Variants in CDH4 observed in about 807,000 individuals in gnomAD.
The protein encoded by CDH4 is cadherin-4.
A neutral mutation model predicts 86.0 loss-of-function variants in CDH4; 33 were observed. The observed-to-expected ratio is 0.38, with a 90% CI of 0.29 to 0.51. The LOEUF is 0.51. CDH4 is among the 20% of genes least tolerant of loss of function. CDH4 has a pLI of 0.86. For missense variants in CDH4, 1,114 were observed against 1,307.4 expected, an observed-to-expected ratio of 0.85 and a Z score of 2.28; for synonymous variants, 555 against 549.4, an observed-to-expected ratio of 1.01 and a Z score of -0.14.
At position 61,708,737 on chromosome 20, in the gene CDH4, G is replaced by A. The variant is rs568151039; in HGVS notation, c.170-34826G>A. 7.9e-5 allele frequency among the ~76,000 whole-genome samples: 12 copies of A among 152,296 alleles called. No homozygotes were observed. Among genetic ancestry groups the A allele is most frequent in the Middle Eastern group, 6.8e-3 (2 of 294 alleles). On this transcript the variant is annotated intron_variant, in intron 2 of 15. Transcript: ENST00000614565. This position sits in a 1 kb window ranked among gnomAD's most constrained non-coding sequence, Gnocchi z 4.5. ...CCTCCCCAGCCTCACATGAGGCGGC[G>A]CTGCCTCTGCGGAGGCCCCTTCTCT...
At chr20:61,460,826 G>A (rs2085437940) in intron 2 of CDH4, among the ~76,000 whole-genome samples, 1 of 152,218 alleles carries the variant, frequency 6.6e-6, no homozygotes, top group Non-Finnish European at 1.5e-5. Context: ...ATCCATGGGT[G>A]TATCTGGCTC....
At chr20:61,814,909 G>A (rs1256699526) in intron 4 of CDH4, among the ~76,000 whole-genome samples, 1 of 152,134 alleles carries the variant, frequency 6.6e-6, no homozygotes, top group Non-Finnish European at 1.5e-5. Flanking sequence ...TGAATTCCAT[G>A]AGCTCCTCCC....
chr20:61,276,140 T>G (rs1446617512), intron 2 of CDH4, among the ~76,000 whole-genome samples: 1 of 152,222 alleles, frequency 6.6e-6, no homozygotes, highest in Admixed American at 6.5e-5. Flanking sequence ...GATAACCTGT[T>G]TAGAAAAACT....
rs1290851416 is a variant in CDH4 at position 61,684,788 on chromosome 20, G to T, written c.170-58775G>T. ...CTCAATCTGCAGCCCACAGCCGCCT[G>T]CCGTGACCACCCCTCGATGTGGGTG... On this transcript the variant is annotated intron_variant, in intron 2 of 15. Transcript: ENST00000614565. This position sits in a 1 kb window ranked among gnomAD's most constrained non-coding sequence, Gnocchi z 4.5. Among the ~76,000 whole-genome samples, 1 of 152,260 alleles carries T rather than the reference G, an allele frequency of 6.6e-6. No homozygotes were observed. The highest frequency in any genetic ancestry group is 2.1e-4 in the South Asian group (1 of 4,820).
rs992286585 is a variant in CDH4 at position 61,939,359 on chromosome 20, C to T, written c.*2416C>T. ...CATTGGCCGCCTCCCACTAGCTCCC[C>T]CTCCTCGCCCACAGCCTCTTGTCAC... On this transcript the variant is annotated 3_prime_UTR_variant, in exon 16 of 16. Transcript: ENST00000614565. The T allele has an allele frequency of 6.6e-6, 1 of 152,356 alleles. No homozygotes were observed. Among genetic ancestry groups the T allele is most frequent in the African/African-American group, 2.4e-5 (1 of 41,478 alleles). The allele number at this position is 152,356 out of a possible 1,614,324, so 9.4% of individuals were successfully genotyped here. A position where few individuals can be genotyped will look rare whatever the true frequency, so the allele number is the denominator to read the frequency against.
chr20:61,622,988 A>T (rs2086791743), intron 2 of CDH4, among the ~76,000 whole-genome samples: 1 of 152,198 alleles, frequency 6.6e-6, no homozygotes, highest in South Asian at 2.1e-4. Flanking sequence ...TGCTTGGGAC[A>T]GTGGGATAGG....
intron 11 of CDH4, among the ~76,000 whole-genome samples, chr20:61,924,909 T>A (rs1252131156): frequency 2.0e-5 from 3 of 152,190 alleles, no homozygotes. Context: ...TTTCAAATGC[T>A]TTCAGCCGGC....
rs942687478 is a variant in CDH4 at position 61,810,644 on chromosome 20, A to G, written c.577-34024A>G. Among the ~76,000 whole-genome samples, 7 of 152,168 alleles carry G rather than the reference A, an allele frequency of 4.6e-5. No homozygotes were observed. Among genetic ancestry groups the G allele is most frequent in the Non-Finnish European group, 7.4e-5 (5 of 68,026 alleles). ...CACTACCAACACCTCCCAGCCCCCTAACAAGCCAGGAACCACTCCAGGGCT... is the reference window on the plus strand; with the variant it reads ...CACTACCAACACCTCCCAGCCCCCTGACAAGCCAGGAACCACTCCAGGGCT... On this transcript the variant is annotated intron_variant, in intron 4 of 15. Coordinates refer to ENST00000614565, the MANE Select transcript of CDH4 (RefSeq NM_001794.5). The surrounding 1 kb of genome is among the most constrained non-coding windows in gnomAD (Gnocchi z 4.3).
rs192341369 is a variant in CDH4, at chr20:61,470,488, T to C, written c.169+215551T>C. Among the ~76,000 whole-genome samples the C allele has an allele frequency of 2.0e-4, 31 of 152,270 alleles. 1 individual carries two copies. Among genetic ancestry groups the C allele is most frequent in the Admixed American group, 2.0e-3 (31 of 15,292 alleles). ...TAAGATCATATCATCTGCAAACAAGTATAATTCAACTTCTTCCTTTTCAAT... is the reference window on the plus strand; with the variant it reads ...TAAGATCATATCATCTGCAAACAAGCATAATTCAACTTCTTCCTTTTCAAT... On this transcript the variant is annotated intron_variant, in intron 2 of 15. Transcript: ENST00000614565.
intron 4 of CDH4, among the ~76,000 whole-genome samples, chr20:61,797,629 TA>T (rs35878528): frequency 6.6e-6 from 1 of 150,950 alleles, no homozygotes; most frequent in East Asian, 2.0e-4. Context: ...TACAAAACAA[TA>T]AAAAAAAATT....
chr20:61,693,656 C>A (rs1320409185), intron 2 of CDH4, among the ~76,000 whole-genome samples: 1 of 152,162 alleles, frequency 6.6e-6, no homozygotes, highest in Non-Finnish European at 1.5e-5. Flanking sequence ...GAATTTTCAG[C>A]CTTCCTGAGC....
chr20:61,266,154 C>T (rs760968241), intron 2 of CDH4, among the ~76,000 whole-genome samples: 16 of 152,146 alleles, frequency 1.1e-4, no homozygotes, highest in Non-Finnish European at 2.1e-4. Context: ...GGAAGCTGAT[C>T]CTTGAGAGTT....
At chr20:61,838,381 A>G (rs189168737) in intron 4 of CDH4, among the ~76,000 whole-genome samples, 103 of 151,994 alleles carry the variant, frequency 6.8e-4, no homozygotes, top group African/African-American at 2.3e-3. Context: ...ACCCTGAGAA[A>G]ACTCTGATGT....
At chr20:61,363,094 C>A (rs543566586) in intron 2 of CDH4, among the ~76,000 whole-genome samples, 1 of 152,256 alleles carries the variant, frequency 6.6e-6, no homozygotes, top group African/African-American at 2.4e-5. Context: ...GTGAGCTGAA[C>A]CTGCTGCATC....
At chr20:61,593,460 C>T (rs376438518) in intron 2 of CDH4, among the ~76,000 whole-genome samples, 6 of 152,246 alleles carry the variant, frequency 3.9e-5, no homozygotes, top group East Asian at 3.8e-4. Flanking sequence ...ATTTTCCATT[C>T]ACACCAGCAA....
intron 4 of CDH4, among the ~76,000 whole-genome samples, chr20:61,820,540 C>T (rs1240122484): frequency 6.6e-6 from 1 of 152,238 alleles, no homozygotes; most frequent in Admixed American, 6.5e-5. Context: ...CTCACGTCAC[C>T]CTCACAGCAG....
intron 2 of CDH4, among the ~76,000 whole-genome samples, chr20:61,685,512 C>A (rs917037843): frequency 8.5e-5 from 13 of 152,256 alleles, no homozygotes; most frequent in African/African-American, 3.1e-4. Flanking sequence ...TCCCGTCTCT[C>A]CCCTCTGGAT....
At chr20:61,679,984 C>G (rs190687243) in intron 2 of CDH4, among the ~76,000 whole-genome samples, 1 of 152,170 alleles carries the variant, frequency 6.6e-6, no homozygotes, top group African/African-American at 2.4e-5. Context: ...CCCTCGTACC[C>G]GAGTGAAGCT....
At chr20:61,526,166 G>GCC (rs200994048) in intron 2 of CDH4, among the ~76,000 whole-genome samples, 26 of 150,574 alleles carry the variant, frequency 1.7e-4, no homozygotes, top group African/African-American at 5.7e-4. Context: ...TCCTGCTGGT[G>GCC]CCCCTCCCCC....
Sources: allele counts gnomAD v4.1 joint callset (sites outside exome capture counted in the v4.1 genomes callset), GRCh38; gene constraint gnomAD v4.1.1; non-coding constraint Gnocchi (gnomAD v3.1); transcripts MANE v1.5; gene names NCBI Gene and HGNC (gene_info 2026-07-23, HGNC 2026-07-21).